The following CDH12 variants were observed in gnomAD, a reference collection of about 807,000 sequenced individuals.
The protein encoded by CDH12 is cadherin-12.
CDH12 carries 41 observed loss-of-function variants against 74.1 expected under a neutral mutation model. The ratio of observed to expected loss-of-function variants is 0.55; its 90% confidence interval spans 0.43 to 0.72. The LOEUF is 0.72. CDH12 is among the 30% of genes least tolerant of loss of function. The pLI is 0.00. For synonymous variants in CDH12, 399 were observed against 355.0 expected (o/e 1.12, Z -1.39); for missense variants, 945 against 977.2 (o/e 0.97, Z 0.44).
At chr5:22,693,502 C>T (rs532583396) in intron 1 of CDH12, among the ~76,000 whole-genome samples, 18 of 152,062 alleles carry the variant, frequency 1.2e-4, no homozygotes, top group African/African-American at 3.6e-4. Context: ...AAAGAAATAA[C>T]CCATTTTGTG....
At chr5:22,060,258 A>G (rs1186303706) in intron 5 of CDH12, among the ~76,000 whole-genome samples, 1 of 150,812 alleles carries the variant, frequency 6.6e-6, no homozygotes, top group African/African-American at 2.4e-5. Context: ...CATAAGTGGG[A>G]GATTAACAAT....
intron 1 of CDH12, among the ~76,000 whole-genome samples, chr5:22,765,276 A>G (rs767844928): frequency 2.6e-4 from 39 of 151,872 alleles, no homozygotes; most frequent in Non-Finnish European, 5.5e-4. Context: ...CTAACAATAA[A>G]CCAAGGGGTG....
At chr5:21,948,804 G>A (rs1755693960) in intron 6 of CDH12, among the ~76,000 whole-genome samples, 1 of 152,186 alleles carries the variant, frequency 6.6e-6, no homozygotes, top group Non-Finnish European at 1.5e-5. Context: ...GCAGGACCTG[G>A]TGGAAGGTGA....
chr5:22,839,854 T>C (rs924327120), intron 1 of CDH12, among the ~76,000 whole-genome samples: 1 of 152,158 alleles, frequency 6.6e-6, no homozygotes, highest in African/African-American at 2.4e-5. Context: ...AAATATTCGA[T>C]GCAAAAAGAA....
At chr5:22,040,596 G>C (rs1301528609) in intron 5 of CDH12, among the ~76,000 whole-genome samples, 1 of 152,172 alleles carries the variant, frequency 6.6e-6, no homozygotes, top group South Asian at 2.1e-4. Context: ...ATTAACATTA[G>C]ACTATTAGTA....
chr5:22,703,301 C>A (rs1318878486), intron 1 of CDH12, among the ~76,000 whole-genome samples: 1 of 152,060 alleles, frequency 6.6e-6, no homozygotes. Flanking sequence ...TCTAAACTAT[C>A]AGCTGAAATA....
chr5:22,489,145 C>T (rs1746744959), intron 2 of CDH12, among the ~76,000 whole-genome samples: 2 of 141,206 alleles, frequency 1.4e-5, no homozygotes, highest in Admixed American at 7.7e-5. Context: ...GCAAGCTCCA[C>T]CTCCTGGGTT....
At chr5:22,666,968 C>A (rs372180241) in intron 1 of CDH12, among the ~76,000 whole-genome samples, 1 of 152,280 alleles carries the variant, frequency 6.6e-6, no homozygotes, top group Admixed American at 6.5e-5. Flanking sequence ...TGAACTTCTA[C>A]CCCAATTTGC....
chr5:22,544,305 G>A (rs1241455452), intron 1 of CDH12, among the ~76,000 whole-genome samples: 1 of 152,046 alleles, frequency 6.6e-6, no homozygotes, highest in South Asian at 2.1e-4. Context: ...ATAATGGCAG[G>A]AAGTTAATTG....
intron 5 of CDH12, among the ~76,000 whole-genome samples, chr5:22,005,751 G>T (rs963790859): frequency 1.3e-4 from 20 of 152,018 alleles, no homozygotes; most frequent in African/African-American, 4.3e-4. Context: ...TTTGTTTACT[G>T]CCACTATTAG....
intron 3 of CDH12, among the ~76,000 whole-genome samples, chr5:22,322,879 T>G (rs1738943134): frequency 6.6e-6 from 1 of 152,164 alleles, no homozygotes; most frequent in Non-Finnish European, 1.5e-5. Flanking sequence ...ATTTTACACA[T>G]TAAATTTCAT....
At chr5:22,140,917 A>C (rs867666111) in intron 4 of CDH12, among the ~76,000 whole-genome samples, 52 of 152,192 alleles carry the variant, frequency 3.4e-4, no homozygotes, top group Admixed American at 9.8e-4. Flanking sequence ...GGTCCTTCAC[A>C]GAGCCAACTC....
rs57971427 is a variant in CDH12, at chr5:22,426,194, G to GA, written c.-427-20844dup. On this transcript the variant is annotated intron_variant, in intron 2 of 14. Coordinates refer to ENST00000382254, the MANE Select transcript of CDH12 (RefSeq NM_004061.5). ...CAGGGAGAATCCATCTCAAAAAAAA[G>GA]AAAAAAAAAAAAAAAAGGATACATA... Among the ~76,000 whole-genome samples the GA allele has an allele frequency of 3.1e-4, 40 of 129,030 alleles. No individual in the cohort carries two copies. In the South Asian group the frequency reaches 4.3e-3, roughly 14 times the overall value. The allele number at this position is 129,030 out of a possible 152,430, so 84.6% of individuals were successfully genotyped here.
At chr5:21,835,781 T>A (rs547976583) in intron 8 of CDH12, among the ~76,000 whole-genome samples, 1 of 151,868 alleles carries the variant, frequency 6.6e-6, no homozygotes, top group Admixed American at 6.6e-5. Flanking sequence ...AAACAACCAA[T>A]CTAAGCCTGG....
At chr5:22,724,162 C>G (rs1744040424) in intron 1 of CDH12, among the ~76,000 whole-genome samples, 1 of 151,868 alleles carries the variant, frequency 6.6e-6, no homozygotes, top group Admixed American at 6.6e-5. Context: ...CATTAACATA[C>G]TACTTCACTT....
intron 3 of CDH12, among the ~76,000 whole-genome samples, chr5:22,363,052 G>A (rs897652002): frequency 5.9e-5 from 9 of 151,832 alleles, no homozygotes; most frequent in Non-Finnish European, 1.0e-4. Flanking sequence ...TGCGCATTGT[G>A]CACATGTACC....
intron 4 of CDH12, among the ~76,000 whole-genome samples, chr5:22,129,339 T>C (rs562938572): frequency 6.6e-6 from 1 of 152,294 alleles, no homozygotes; most frequent in East Asian, 1.9e-4. Flanking sequence ...CAATGGTGTG[T>C]GCAAGTTGCT....
At chr5:22,292,894 A>G (rs1231620939) in intron 3 of CDH12, among the ~76,000 whole-genome samples, 1 of 152,034 alleles carries the variant, frequency 6.6e-6, no homozygotes, top group Non-Finnish European at 1.5e-5. Flanking sequence ...CTTGTCCTCT[A>G]TTTGCAAAGC....
chr5:22,192,577 C>A (rs1750371213), intron 4 of CDH12, among the ~76,000 whole-genome samples: 1 of 151,720 alleles, frequency 6.6e-6, no homozygotes, highest in South Asian at 2.1e-4. Context: ...CCACAAGCAC[C>A]ATTAGGGGTG....
Sources: allele counts gnomAD v4.1 joint callset (sites outside exome capture counted in the v4.1 genomes callset), GRCh38; gene constraint gnomAD v4.1.1; transcripts MANE v1.5; gene names NCBI Gene and HGNC (gene_info 2026-07-23, HGNC 2026-07-21).